The following TMEM63B variants were observed in gnomAD, a reference collection of about 807,000 sequenced individuals.
TMEM63B encodes the protein mechanosensitive cation channel TMEM63B.
A neutral mutation model predicts 102.6 loss-of-function variants in TMEM63B; 23 were observed. The ratio of observed to expected loss-of-function variants is 0.22; its 90% CI spans 0.16 to 0.32. TMEM63B has a LOEUF of 0.32. TMEM63B is among the 10% of genes least tolerant of loss of function. The pLI is 1.00. For missense variants in TMEM63B, 628 were observed against 1,095.9 expected, an observed-to-expected ratio of 0.57 and a Z score of 6.03; for synonymous variants, 444 against 437.0, an observed-to-expected ratio of 1.02 and a Z score of -0.20.
Position 44,155,093 on chromosome 6 carries a change from C to T in TMEM63B, c.*210C>T, listed in dbSNP as rs1003710070. The T allele has an allele frequency of 6.3e-5, 28 of 445,098 alleles. No homozygotes were observed. Among genetic ancestry groups the T allele is most frequent in the Admixed American group, 5.0e-4 (12 of 23,838 alleles). 27.6% of individuals were successfully genotyped at this position (445,098 alleles called of 1,614,324 possible). A position where few individuals can be genotyped will look rare whatever the true frequency, so the allele number is the denominator to read the frequency against. ...TCAGTGAGGAGAGCCCCGAGCCGGC[C>T]CCGGGGCAAAGAGGGGTGCAGAGGG... On this transcript the variant is annotated 3_prime_UTR_variant, in exon 24 of 24. Transcript: ENST00000323267.
At chr6:44,136,530 C>A in intron 5 of TMEM63B, 91 bp downstream of exon 5, 1 of 917,260 alleles carries the variant, frequency 1.1e-6, no homozygotes, top group Non-Finnish European at 1.7e-6. Context: ...GATGTGGAGT[C>A]AGGGATGCTG....
At position 44,155,401 on chromosome 6, in the gene TMEM63B, C is replaced by CTGGGGG. The variant is rs1282851955; in HGVS notation, c.*529_*534dup. On this transcript the variant is annotated 3_prime_UTR_variant, in exon 24 of 24. Transcript: ENST00000323267. ...GAGTCAGGCTCACAGCTGGGGTGGC[C>CTGGGGG]TGGGGGTGGGGGTGGGCAAGGCTGA... 7.7e-6 allele frequency: 1 copy of CTGGGGG among 129,040 alleles called. No homozygotes were observed. Among genetic ancestry groups the CTGGGGG allele is most frequent in the Non-Finnish European group, 1.7e-5 (1 of 60,194 alleles). 8.0% of individuals were successfully genotyped at this position (129,040 alleles called of 1,614,324 possible).
chr6:44,128,436 G>A (rs1046003508), intron 1 of TMEM63B, among the ~76,000 whole-genome samples: 1 of 152,246 alleles, frequency 6.6e-6, no homozygotes, highest in African/African-American at 2.4e-5. Flanking sequence ...AGGGGGCGCC[G>A]CTTTGTCCCT....
Position 44,154,758 on chromosome 6 carries a change from T to C in TMEM63B, c.2374T>C (p.Ser792Pro). The C allele has an allele frequency of 1.9e-6, 3 of 1,604,952 alleles. No individual in the cohort carries two copies. Residue 792 changes from serine to proline, a missense_variant, in exon 24 of 24, where the codon TCA becomes CCA. Around this residue, in one of 6 missense-constraint regions of TMEM63B, gnomAD observed 129 missense variants for 153.5 expected, o/e 0.84. Transcript: ENST00000323267. ...DGDGDGAPGS[S>P]GDEPPSSSSQ... Reference sequence around the variant, plus strand: ...GGATGGGGATGGGGCTCCTGGGAGCTCAGGGGATGAGCCCCCATCATCCTC... The same window carrying C: ...GGATGGGGATGGGGCTCCTGGGAGCCCAGGGGATGAGCCCCCATCATCCTC...
Position 44,154,958 on chromosome 6 carries a change from A to C in TMEM63B, c.*75A>C. 1 of 1,337,448 alleles carries C rather than the reference A, an allele frequency of 7.5e-7. No individual in the cohort carries two copies. Among genetic ancestry groups the C allele is most frequent in the Non-Finnish European group, 1.0e-6 (1 of 1,003,998 alleles). 82.8% of individuals were successfully genotyped at this position (1,337,448 alleles called of 1,614,324 possible). ...TCCCACGGACACTAAAACGCTAATA[A>C]TTTATTAGATCTAAAGCCCCTTCCT... is the stretch of plus-strand genomic sequence containing the variant. On this transcript the variant is annotated 3_prime_UTR_variant, in exon 24 of 24. Transcript: ENST00000323267.
rs1318354965 is a variant in TMEM63B, at chr6:44,152,663, C to T, written c.1907C>T (p.Thr636Ile). The T allele has an allele frequency of 6.2e-7, 1 of 1,607,866 alleles. No homozygotes were observed. The highest frequency in any genetic ancestry group is 8.5e-7 in the Non-Finnish European group (1 of 1,179,972). Residue 636 changes from threonine to isoleucine, a missense_variant, in exon 20 of 24, where the codon ACC becomes ATC. Physicochemically the swap from Thr to Ile is moderately conservative, Grantham distance 89. Around this residue, in one of 6 missense-constraint regions of TMEM63B, gnomAD observed 90 missense variants for 136.7 expected, o/e 0.66. Coordinates refer to ENST00000323267, the MANE Select transcript of TMEM63B (RefSeq NM_018426.3). The surrounding 1 kb of genome is among the most constrained non-coding windows in gnomAD (Gnocchi z 6.4). ...ATGTGCGTCTTCACGGTGGTCATGACCTACAGTATCACCTGCCCCATCATC... is the reference window on the plus strand; with the variant it reads ...ATGTGCGTCTTCACGGTGGTCATGATCTACAGTATCACCTGCCCCATCATC... Reference protein sequence around the residue: ...WMMCVFTVVMTYSITCPIIVP... With the variant: ...WMMCVFTVVMIYSITCPIIVP...
intron 9 of TMEM63B, 78 bp from the exon 10 acceptor site, chr6:44,140,950 A>G: frequency 7.8e-7 from 1 of 1,287,280 alleles, no homozygotes; most frequent in Non-Finnish European, 1.1e-6. Context: ...CTCTTTCTCT[A>G]GTGCCCCCCA....
intron 4 of TMEM63B, among the ~76,000 whole-genome samples, chr6:44,135,614 C>G (rs1762784304): frequency 6.6e-6 from 1 of 152,226 alleles, no homozygotes; most frequent in African/African-American, 2.4e-5. Flanking sequence ...CCTGTGTGCC[C>G]CTGCCTATGC....
intron 15 of TMEM63B, 173 bp downstream of exon 15, chr6:44,149,118 C>T (rs956472981): frequency 4.2e-5 from 40 of 956,480 alleles, no homozygotes; most frequent in Non-Finnish European, 5.5e-5. Context: ...CTGCCACCTT[C>T]CCCCTGAGAG....
At chr6:44,149,827 C>T (rs1382240992) in intron 15 of TMEM63B, 32 bp from the exon 16 acceptor site, 2 of 1,573,796 alleles carry the variant, frequency 1.3e-6, no homozygotes, top group Non-Finnish European at 1.7e-6. Context: ...CCTAGACTGC[C>T]CTGCCTGACG....
chr6:44,153,909 C>T (rs1446882084), intron 21 of TMEM63B, 66 bp downstream of exon 21: 2 of 1,581,942 alleles, frequency 1.3e-6, no homozygotes. Flanking sequence ...GAGCAGGCCA[C>T]AGGAGAAGCC....
At chr6:44,147,076 C>T (rs1385330883) in intron 11 of TMEM63B, 149 bp downstream of exon 11, 14 of 980,122 alleles carry the variant, frequency 1.4e-5, no homozygotes, top group Non-Finnish European at 2.0e-5. Context: ...TAATTCAGCT[C>T]TGGAAAGAGC....
At position 44,134,544 on chromosome 6, in the gene TMEM63B, C is replaced by T. The variant is rs746278031; in HGVS notation, c.-24-17C>T. The T allele has an allele frequency of 1.2e-6, 2 of 1,606,496 alleles. No homozygotes were observed. Among genetic ancestry groups the T allele is most frequent in the South Asian group, 1.1e-5 (1 of 90,206 alleles). On this transcript the variant is annotated splice_polypyrimidine_tract_variant and intron_variant, in intron 1 of 23. Coordinates refer to ENST00000323267, the MANE Select transcript of TMEM63B (RefSeq NM_018426.3). The stretch of plus-strand genomic sequence containing the variant: ...GGATGGGGGCAAGCCCAGCTGACTG[C>T]TCCACCCTCTGCCCAGGAGGACCAT...
intron 10 of TMEM63B, among the ~76,000 whole-genome samples, chr6:44,146,444 T>C (rs777976466): frequency 2.0e-5 from 3 of 151,142 alleles, no homozygotes; most frequent in Non-Finnish European, 4.4e-5. Flanking sequence ...GAATTGGAGA[T>C]GTGGGTTTTT....
At position 44,149,248 on chromosome 6, in the gene TMEM63B, A is replaced by G; in HGVS notation, c.1413+303A>G. The G allele has an allele frequency of 1.3e-5, 6 of 471,046 alleles. No individual in the cohort carries two copies. In the South Asian group the frequency reaches 1.3e-4, roughly 10 times the overall value. 29.2% of individuals were successfully genotyped at this position (471,046 alleles called of 1,614,324 possible). On this transcript the variant is annotated intron_variant, in intron 15 of 23. Coordinates refer to ENST00000323267, the MANE Select transcript of TMEM63B (RefSeq NM_018426.3). ...CCCCTCAGTCTAACTGAAAAAATGG[A>G]AAGGTTCAACTAGATCAGTGGCTTT... is the stretch of plus-strand genomic sequence containing the variant.
chr6:44,154,594 C>G, intron 23 of TMEM63B, 98 bp from the exon 24 acceptor site: 1 of 1,461,490 alleles, frequency 6.8e-7, no homozygotes, highest in South Asian at 1.3e-5. Flanking sequence ...CCCCGCCCCC[C>G]AGGGCCCTGC....
chr6:44,131,866 C>T (rs1210349805), intron 1 of TMEM63B, among the ~76,000 whole-genome samples: 1 of 152,156 alleles, frequency 6.6e-6, no homozygotes, highest in African/African-American at 2.4e-5. Context: ...CAACCAAAAC[C>T]TCAATATCAG....
chr6:44,150,435 C>G lies in TMEM63B; in HGVS notation c.1607+125C>G, dbSNP rs1006055391. The G allele has an allele frequency of 6.9e-7, 1 of 1,459,208 alleles. No individual in the cohort carries two copies. The highest frequency in any genetic ancestry group is 1.8e-4 in the Middle Eastern group (1 of 5,482). The allele number at this position is 1,459,208 out of a possible 1,614,324, so 90.4% of individuals were successfully genotyped here. A position where few individuals can be genotyped will look rare whatever the true frequency, so the allele number is the denominator to read the frequency against. On this transcript the variant is annotated intron_variant, in intron 17 of 23. Transcript: ENST00000323267. This position sits in a 1 kb window ranked among gnomAD's most constrained non-coding sequence, Gnocchi z 4.7. ...CCCAAGATGGGAAGCCTGGCCACCCCCAGGCCTCCTGAGCTACCCACCCCA... is the reference window on the plus strand; with the variant it reads ...CCCAAGATGGGAAGCCTGGCCACCCGCAGGCCTCCTGAGCTACCCACCCCA...
At chr6:44,136,068 G>C (rs181338138) in intron 4 of TMEM63B, among the ~76,000 whole-genome samples, 1 of 152,264 alleles carries the variant, frequency 6.6e-6, no homozygotes, top group East Asian at 1.9e-4. Context: ...TGGCATTCTC[G>C]CTTCAGCCTC....
Sources: gnomAD v4.1 joint callset for allele counts (sites outside exome capture counted in the v4.1 genomes callset) on GRCh38, gnomAD v4.1.1 for gene constraint, gnomAD v4.1.1 regional missense constraint, Gnocchi (gnomAD v3.1) non-coding constraint, MANE v1.5 for transcripts, NCBI Gene and HGNC (gene_info 2026-07-23, HGNC 2026-07-21) for gene names.